Variants in SYTL2 observed in about 807,000 individuals in gnomAD.
SYTL2 encodes synaptotagmin like 2, also known as synaptotagmin-like protein 2.
In SYTL2, 165 loss-of-function variants were observed where a neutral mutation model predicts 198.7. The ratio of observed to expected loss-of-function variants is 0.83; its 90% CI spans 0.73 to 0.94. The LOEUF is 0.94. SYTL2 is among the 40% of genes least tolerant of loss of function. SYTL2 has a pLI of 0.00. For missense variants in SYTL2, 2,835 were observed against 2,582.8 expected (o/e 1.10, Z -2.12); for synonymous variants, 966 against 917.7 (o/e 1.05, Z -0.95).
chr11:85,778,672 T>C (rs1477800093), intron 1 of SYTL2, among the ~76,000 whole-genome samples: 2 of 152,228 alleles, frequency 1.3e-5, no homozygotes, highest in Non-Finnish European at 2.9e-5. Flanking sequence ...GACACATGCA[T>C]GCACTATCTA....
At chr11:85,735,305 A>G (rs1452933575) in intron 6 of SYTL2, among the ~76,000 whole-genome samples, 8 of 152,206 alleles carry the variant, frequency 5.3e-5, no homozygotes, top group Non-Finnish European at 2.9e-5. Context: ...TTTACACCCA[A>G]TACAGAAAGT....
chr11:85,718,895 A>G (rs1371532691), intron 9 of SYTL2, 52 bp from the exon 10 acceptor site: 2 of 1,601,360 alleles, frequency 1.2e-6, no homozygotes, highest in Admixed American at 3.4e-5. Context: ...TTGGAGAGAA[A>G]AGAACAATGA....
chr11:85,710,296 A>G (rs548979109), intron 13 of SYTL2, among the ~76,000 whole-genome samples: 6 of 152,356 alleles, frequency 3.9e-5, no homozygotes, highest in African/African-American at 1.4e-4. Context: ...CAGGAAGGGT[A>G]GAAAATGGAT....
At chr11:85,766,006 G>A (rs1199430181) in intron 1 of SYTL2, among the ~76,000 whole-genome samples, 1 of 152,198 alleles carries the variant, frequency 6.6e-6, no homozygotes, top group Non-Finnish European at 1.5e-5. Flanking sequence ...CACACACCAA[G>A]TGTCAGGTAG....
intron 7 of SYTL2, among the ~76,000 whole-genome samples, chr11:85,732,293 G>A (rs906489723): frequency 2.0e-5 from 3 of 152,258 alleles, no homozygotes; most frequent in African/African-American, 7.2e-5. Flanking sequence ...ACATGCACAC[G>A]TGTGTTTACT....
upstream of SYTL2, among the ~76,000 whole-genome samples, chr11:85,813,794 C>T (rs554963630): frequency 2.0e-5 from 3 of 150,508 alleles, no homozygotes; most frequent in South Asian, 6.4e-4. Flanking sequence ...ACAAACACAG[C>T]GCACTGCAGC....
intron 12 of SYTL2, among the ~76,000 whole-genome samples, chr11:85,713,473 T>C (rs1466678753): frequency 6.6e-6 from 1 of 152,156 alleles, no homozygotes; most frequent in Non-Finnish European, 1.5e-5. Context: ...GTGTCCATGA[T>C]CACACAGAAA....
intron 4 of SYTL2, among the ~76,000 whole-genome samples, chr11:85,738,704 C>G (rs77425698): frequency 0.01 from 1,589 of 152,306 alleles, 36 homozygotes; most frequent in African/African-American, 0.036. Flanking sequence ...TGAGGAACAA[C>G]ATCCCTATAG....
chr11:85,839,898 C>T, the SYTL2 span, among the ~76,000 whole-genome samples: 1 of 152,184 alleles, frequency 6.6e-6, no homozygotes, highest in Non-Finnish European at 1.5e-5. Context: ...TACATTCCCA[C>T]CAACAGTGTA....
the SYTL2 span, chr11:85,853,174 A>C: frequency 2.6e-6 from 1 of 377,706 alleles, no homozygotes; most frequent in African/African-American, 2.2e-5. Context: ...CCAACAGCTC[A>C]TTGAGAACAG....
intron 16 of SYTL2, 120 bp downstream of exon 16, chr11:85,704,737 TA>T: frequency 1.4e-6 from 1 of 691,804 alleles, no homozygotes. Context: ...TTTTTTCCTC[TA>T]GTTTAAAATT....
At chr11:85,756,359 T>C (rs2091866473) in intron 2 of SYTL2, among the ~76,000 whole-genome samples, 1 of 152,212 alleles carries the variant, frequency 6.6e-6, no homozygotes, top group African/African-American at 2.4e-5. Context: ...CTTGTCATCA[T>C]AGCTCAGTGT....
intron 4 of SYTL2, among the ~76,000 whole-genome samples, chr11:85,745,429 A>C (rs2091083363): frequency 1.3e-5 from 2 of 152,220 alleles, no homozygotes; most frequent in African/African-American, 2.4e-5. Flanking sequence ...TATTTAAGAT[A>C]TAGATTTGTT....
chr11:85,704,916 G>T lies in SYTL2; in HGVS notation c.6131C>A (p.Thr2044Lys). 3 of 1,613,732 alleles carry T rather than the reference G, an allele frequency of 1.9e-6. No individual in the cohort carries two copies. The highest frequency in any genetic ancestry group is 1.1e-5 in the South Asian group (1 of 91,034). The part of the protein sequence containing the change: ...FLGEVELDLE[T>K]WDWDNKQNKQ... ...ATTCTGTTTGTTATCCCAGTCCCAT[G>T]TTTCCAAATCAAGTTCCACCTCCCC... Residue 2044 changes from threonine to lysine, a missense_variant, in exon 16 of 20, where the codon ACA (threonine) becomes AAA (lysine). Thr to Lys is a moderately conservative substitution (Grantham distance 78). Coordinates refer to ENST00000359152, the MANE Select transcript of SYTL2 (RefSeq NM_206927.4).
intron 9 of SYTL2, 137 bp from the exon 10 acceptor site, chr11:85,718,980 C>T (rs2087827198): frequency 6.5e-7 from 1 of 1,535,548 alleles, no homozygotes; most frequent in Non-Finnish European, 8.7e-7. Context: ...AGATGTCTTC[C>T]CCAAAATACT....
chr11:85,746,029 C>G (rs1272066834), intron 3 of SYTL2, among the ~76,000 whole-genome samples: 1 of 152,114 alleles, frequency 6.6e-6, no homozygotes, highest in Non-Finnish European at 1.5e-5. Flanking sequence ...ACTCCAGAGA[C>G]CATTAAAGCA....
chr11:85,764,128 T>C (rs193270011), intron 1 of SYTL2, among the ~76,000 whole-genome samples: 12 of 152,218 alleles, frequency 7.9e-5, no homozygotes, highest in Admixed American at 7.9e-4. Flanking sequence ...CCCTGCCCAC[T>C]TGAACCCCAT....
intron 7 of SYTL2, among the ~76,000 whole-genome samples, chr11:85,730,864 T>G (rs2089742078): frequency 6.6e-6 from 1 of 152,134 alleles, no homozygotes; most frequent in Admixed American, 6.5e-5. Context: ...CAGCCCAAAA[T>G]CTCCTTAAGC....
At chr11:85,838,896 C>A in the SYTL2 span, among the ~76,000 whole-genome samples, 1 of 152,130 alleles carries the variant, frequency 6.6e-6, no homozygotes, top group South Asian at 2.1e-4. Flanking sequence ...CATTTAAAAG[C>A]AAGTTTTTAT....
Sources: allele counts gnomAD v4.1 joint callset (sites outside exome capture counted in the v4.1 genomes callset), GRCh38; gene constraint gnomAD v4.1.1; transcripts MANE v1.5; gene names NCBI Gene and HGNC (gene_info 2026-07-23, HGNC 2026-07-21).